The following MXD4 variants were observed in gnomAD, a reference collection of about 807,000 sequenced individuals.
The protein encoded by MXD4 is Mad4 homolog.
A neutral mutation model predicts 24.5 loss-of-function variants in MXD4; 16 were observed. The observed-to-expected ratio is 0.65, with a 90% confidence interval of 0.44 to 0.99. MXD4 has a LOEUF of 0.99. MXD4 is among the 50% of genes least tolerant of loss of function. The pLI, the probability that MXD4 is intolerant of heterozygous loss-of-function variation, is 0.00. For missense variants in MXD4, 301 were observed against 301.5 expected, an observed-to-expected ratio of 1.00 and a Z score of 0.01; for synonymous variants, 164 against 134.2, an observed-to-expected ratio of 1.22 and a Z score of -1.54.
rs1178824695 is a variant in MXD4 at position 2,248,973 on chromosome 4, T to C, written c.*1571A>G. On this transcript the variant is annotated 3_prime_UTR_variant, in exon 6 of 6. Transcript: ENST00000337190. ...TGCCAGTGTCTGAAACCTGGAACCC[T>C]CGCCTAGGCCAGGAAGCAGGGGGCT... is the stretch of plus-strand genomic sequence containing the variant. The C allele has an allele frequency of 6.6e-6, 1 of 152,274 alleles. No homozygotes were observed. The highest frequency in any genetic ancestry group is 1.5e-5 in the Non-Finnish European group (1 of 68,102). 9.4% of individuals were successfully genotyped at this position (152,274 alleles called of 1,614,324 possible). A position where few individuals can be genotyped will look rare whatever the true frequency, so the allele number is the denominator to read the frequency against.
intron 3 of MXD4, chr4:2,254,611 G>C (rs1735389203): frequency 6.6e-6 from 1 of 152,198 alleles, no homozygotes; most frequent in South Asian, 2.1e-4. Flanking sequence ...ACATATAAAA[G>C]ACAAATGGTT....
chr4:2,250,764 T>C (rs1156513764), intron 5 of MXD4, 63 bp from the exon 6 acceptor site: 3 of 1,564,718 alleles, frequency 1.9e-6, no homozygotes, highest in Non-Finnish European at 2.6e-6. Context: ...ATTTCTCCCT[T>C]TTCTGGAAGC....
chr4:2,259,670 C>T (rs948870773), intron 2 of MXD4, among the ~76,000 whole-genome samples: 1 of 152,182 alleles, frequency 6.6e-6, no homozygotes, highest in African/African-American at 2.4e-5. Context: ...GCCAGGGCCC[C>T]TCTTGCAGCT....
intron 3 of MXD4, chr4:2,255,069 G>A (rs1577820600): frequency 5.6e-6 from 2 of 353,986 alleles, no homozygotes; most frequent in South Asian, 2.1e-5. Context: ...CACAAAGAAC[G>A]CTGGTGGCAC....
At position 2,257,904 on chromosome 4, in the gene MXD4, G is replaced by A; in HGVS notation, c.194+78C>T. The A allele has an allele frequency of 7.6e-6, 12 of 1,582,874 alleles. No individual in the cohort carries two copies. In the South Asian group the frequency reaches 8.9e-5, roughly 12 times the overall value. On this transcript the variant is annotated intron_variant, in intron 3 of 5. Transcript: ENST00000337190. ...GCTGGCCGTGCCCGGGACAGGGGCA[G>A]GCTCAACGCACCACACACCCTCAGT...
intron 2 of MXD4, among the ~76,000 whole-genome samples, chr4:2,258,578 G>A (rs953381560): frequency 6.6e-6 from 1 of 152,220 alleles, no homozygotes; most frequent in African/African-American, 2.4e-5. Flanking sequence ...AACAGCAGGT[G>A]GAGATGGAGC....
At chr4:2,253,164 G>A (rs1412555139) in intron 3 of MXD4, 1 of 152,928 alleles carries the variant, frequency 6.5e-6, no homozygotes, top group Admixed American at 6.5e-5. Context: ...AAGGGTACTT[G>A]CTCACATGCC....
chr4:2,251,289 T>TC (rs1270818401), intron 4 of MXD4, 43 bp from the exon 5 acceptor site: 5 of 1,501,702 alleles, frequency 3.3e-6, no homozygotes, highest in Non-Finnish European at 4.5e-6. Flanking sequence ...GGAAGAGGAG[T>TC]CCCCCCATCC....
chr4:2,258,847 C>T (rs1199396950), intron 2 of MXD4: 1 of 453,240 alleles, frequency 2.2e-6, no homozygotes, highest in Non-Finnish European at 4.4e-6. Flanking sequence ...GGCCCGGGCT[C>T]AGCTTCTCTG....
At chr4:2,255,435 T>C in intron 3 of MXD4, 1 of 454,904 alleles carries the variant, frequency 2.2e-6, no homozygotes, top group Non-Finnish European at 4.4e-6. Context: ...GGCCCAAGAG[T>C]GTGGGCGCCA....
At chr4:2,256,780 G>A (rs1205117975) in intron 3 of MXD4, among the ~76,000 whole-genome samples, 10 of 152,118 alleles carry the variant, frequency 6.6e-5, no homozygotes, top group African/African-American at 2.4e-4. Context: ...CTCCCCAAGG[G>A]CTGCCACGCC....
At chr4:2,259,197 C>T (rs1010498393) in intron 2 of MXD4, 2 of 334,762 alleles carry the variant, frequency 6.0e-6, no homozygotes, top group Admixed American at 4.0e-5. Context: ...TGGGATCTGG[C>T]GTCTCCTGTC....
chr4:2,259,559 G>T (rs568481970), intron 2 of MXD4, among the ~76,000 whole-genome samples: 1 of 152,282 alleles, frequency 6.6e-6, no homozygotes, highest in African/African-American at 2.4e-5. Flanking sequence ...GGGAGGTCGG[G>T]GTCAGCAGGT....
chr4:2,262,001 GC>G lies in MXD4; in HGVS notation c.-22del. The G allele has an allele frequency of 4.0e-6, 5 of 1,252,224 alleles. No individual in the cohort carries two copies. The highest frequency in any genetic ancestry group is 4.4e-5 in the South Asian group (2 of 44,952). The allele number at this position is 1,252,224 out of a possible 1,614,324, so 77.6% of individuals were successfully genotyped here. ...TCCATCCTCCCGCCCGCGCCCGTCCGCCCCGGGACGGCGGCGGCCGCTGCCC... is the reference window on the plus strand; with the variant it reads ...TCCATCCTCCCGCCCGCGCCCGTCCGCCCGGGACGGCGGCGGCCGCTGCCC... On this transcript the variant is annotated 5_prime_UTR_variant, in exon 1 of 6. Coordinates refer to ENST00000337190, the MANE Select transcript of MXD4 (RefSeq NM_006454.3).
chr4:2,256,274 C>T lies in MXD4; in HGVS notation c.194+1708G>A, dbSNP rs528665970. ...CCCAGGACCCTGGGGTTGGCAACGG[C>T]CTCAGACCTGCTGGAGCTGCCTCTC... On this transcript the variant is annotated intron_variant, in intron 3 of 5. Transcript: ENST00000337190. Among the ~76,000 whole-genome samples, 55 of 152,340 alleles carry T rather than the reference C, an allele frequency of 3.6e-4. 1 individual carries two copies. The East Asian group carries it at 7.3e-3, about 20-fold the overall frequency.
chr4:2,257,158 CATG>C (rs1560114464), intron 3 of MXD4, among the ~76,000 whole-genome samples: 1 of 152,188 alleles, frequency 6.6e-6, no homozygotes, highest in Non-Finnish European at 1.5e-5. Context: ...TGGGGGTAGA[CATG>C]GTGGGGAGGC....
In MXD4 at chr4:2,251,238, CT is replaced by C; in HGVS notation, c.317del (p.Glu106GlyfsTer8). 1 of 1,596,812 alleles carries C rather than the reference CT, an allele frequency of 6.3e-7. No individual in the cohort carries two copies. The highest frequency in any genetic ancestry group is 8.6e-7 in the Non-Finnish European group (1 of 1,168,710). ...KRAKVHIKKLEEQDRRALSIK... is the reference protein window; with the variant it reads ...KRAKVHIKKLXEQDRRALSIK... ...TGCTCAGTGCCCGGCGGTCCTGCTC[CT>C]CCAGTTTCTGGGGTCGAGGGGGGCT... On this transcript the variant is annotated frameshift_variant, in exon 5 of 6. Transcript: ENST00000337190. LOFTEE classifies it high-confidence loss of function.
chr4:2,261,906 G>T lies in MXD4; in HGVS notation c.64+11C>A. On this transcript the variant is annotated intron_variant, in intron 1 of 5. Coordinates refer to ENST00000337190, the MANE Select transcript of MXD4 (RefSeq NM_006454.3). Reference sequence around the variant, plus strand: ...CACCGCCGCGGGCGCACAATGGGGTGCGAGCGCTACCTCGATCCCTGCGCT... The same window carrying T: ...CACCGCCGCGGGCGCACAATGGGGTTCGAGCGCTACCTCGATCCCTGCGCT... 1 of 1,453,278 alleles carries T rather than the reference G, an allele frequency of 6.9e-7. No individual in the cohort carries two copies. 90.0% of individuals were successfully genotyped at this position (1,453,278 alleles called of 1,614,324 possible).
chr4:2,252,339 A>ACC, intron 4 of MXD4, 69 bp downstream of exon 4: 1 of 1,297,096 alleles, frequency 7.7e-7, no homozygotes, highest in Non-Finnish European at 1.1e-6. Context: ...ACCTGTGAGC[A>ACC]CCCCCCCAGG....
Sources: allele counts gnomAD v4.1 joint callset (sites outside exome capture counted in the v4.1 genomes callset), GRCh38; gene constraint gnomAD v4.1.1; transcripts MANE v1.5; gene names NCBI Gene and HGNC (gene_info 2026-07-23, HGNC 2026-07-21).